The following AEN variants were observed in gnomAD, a reference collection of about 807,000 sequenced individuals.
AEN encodes the protein apoptosis enhancing nuclease.
AEN carries 21 observed loss-of-function variants against 17.7 expected under a neutral mutation model. The observed-to-expected ratio is 1.19, with a 90% CI of 0.84 to 1.71. The LOEUF (loss-of-function observed/expected upper bound fraction) is 1.71. AEN is among the 40% of genes most tolerant of loss of function. The pLI is 0.00. For synonymous variants in AEN, 190 were observed against 173.0 expected (o/e 1.10, Z -0.77); for missense variants, 462 against 435.9 (o/e 1.06, Z -0.53).
upstream of AEN, among the ~76,000 whole-genome samples, chr15:88,619,559 G>A (rs1338637614): frequency 1.3e-5 from 2 of 152,084 alleles, no homozygotes; most frequent in African/African-American, 2.4e-5. Context: ...ATGGTGGCAC[G>A]TGCCTGTAAT....
chr15:88,622,942 A>C (rs1596026926), intron 1 of AEN, among the ~76,000 whole-genome samples: 1 of 152,326 alleles, frequency 6.6e-6, no homozygotes, highest in South Asian at 2.1e-4. Context: ...CTCTTGAAAT[A>C]GGAGGCTACA....
At position 88,630,589 on chromosome 15, in the gene AEN, A is replaced by C. The variant is rs1280423395; in HGVS notation, c.*295A>C. The stretch of plus-strand genomic sequence containing the variant: ...CTTCTAGGGCCCAGCAGGAGTAGGG[A>C]ATGTGCCAACAGACTGCCCAGGTTG... On this transcript the variant is annotated 3_prime_UTR_variant, in exon 4 of 4. Transcript: ENST00000332810. This position sits in a 1 kb window ranked among gnomAD's most constrained non-coding sequence, Gnocchi z 5.1. 1 of 399,770 alleles carries C rather than the reference A, an allele frequency of 2.5e-6. No individual in the cohort carries two copies. Among genetic ancestry groups the C allele is most frequent in the Non-Finnish European group, 4.7e-6 (1 of 213,686 alleles). The allele number at this position is 399,770 out of a possible 1,614,324, so 24.8% of individuals were successfully genotyped here.
At chr15:88,605,267 C>T in the AEN span, among the ~76,000 whole-genome samples, 1 of 152,320 alleles carries the variant, frequency 6.6e-6, no homozygotes, top group Admixed American at 6.5e-5. The surrounding 1 kb of genome is among the most constrained non-coding windows in gnomAD (Gnocchi z 7.6). Context: ...CGCTCGGTCC[C>T]GCGCCCAGTA....
upstream of AEN, among the ~76,000 whole-genome samples, chr15:88,621,060 G>A (rs1218598679): frequency 2.0e-5 from 3 of 152,224 alleles, no homozygotes. Flanking sequence ...CCCAGGTAGA[G>A]GAGTGGATTG....
At chr15:88,611,950 TG>T in the AEN span, 1 of 487,702 alleles carries the variant, frequency 2.1e-6, no homozygotes. Flanking sequence ...GTGCAGGAAA[TG>T]GGGGCAGCCC....
the AEN span, among the ~76,000 whole-genome samples, chr15:88,615,779 C>T: frequency 6.6e-6 from 1 of 152,056 alleles, no homozygotes; most frequent in Non-Finnish European, 1.5e-5. Context: ...AACAATTGCT[C>T]TAAAAATTGA....
At chr15:88,609,912 G>A in the AEN span, among the ~76,000 whole-genome samples, 2 of 151,896 alleles carry the variant, frequency 1.3e-5, no homozygotes. Context: ...GGCTGTGCGC[G>A]AGGCACTTGG....
chr15:88,625,421 G>A (rs1052370819), intron 1 of AEN, among the ~76,000 whole-genome samples: 3 of 152,104 alleles, frequency 2.0e-5, no homozygotes, highest in African/African-American at 4.8e-5. Context: ...AGGAGGCTGA[G>A]GTGGGAGGAT....
In AEN at chr15:88,626,595, TG is replaced by T; in HGVS notation, c.388del (p.Ala130ProfsTer6). On this transcript the variant is annotated frameshift_variant, in exon 2 of 4. Transcript: ENST00000332810. LOFTEE classifies it high-confidence loss of function. ...GTGPRGRVSE[L>X]ARCSIVSYHG... The stretch of plus-strand genomic sequence containing the variant: ...GGACCCCGAGGGCGGGTAAGCGAGC[TG>T]GCCCGCTGTTCCATTGTGAGCTACC... The T allele has an allele frequency of 6.2e-7, 1 of 1,614,130 alleles. No individual in the cohort carries two copies. The highest frequency in any genetic ancestry group is 8.5e-7 in the Non-Finnish European group (1 of 1,180,032).
rs1295540746 is a variant in AEN at position 88,630,170 on chromosome 15, C to A, written c.854C>A (p.Pro285His). 9 of 1,613,754 alleles carry A rather than the reference C, an allele frequency of 5.6e-6. No homozygotes were observed. Among genetic ancestry groups the A allele is most frequent in the Non-Finnish European group, 5.1e-6 (6 of 1,179,892 alleles). Reference protein sequence around the residue: ...QQEARSLWTCPEDREPDSSTD... With the variant: ...QQEARSLWTCHEDREPDSSTD... ...GAGGCCCGCAGCCTCTGGACCTGCC[C>A]CGAGGACAGAGAACCTGACAGCAGC... Residue 285 changes from proline to histidine, a missense_variant, in exon 4 of 4, where the codon CCC (proline) becomes CAC (histidine). By Grantham distance (77) the Pro-to-His change is moderately conservative. Transcript: ENST00000332810. The surrounding 1 kb of genome is among the most constrained non-coding windows in gnomAD (Gnocchi z 5.1).
rs1174193809 is a variant in AEN at position 88,631,179 on chromosome 15, T to C, written c.*885T>C. The stretch of plus-strand genomic sequence containing the variant: ...TGAATTCTGGGGCCTTTGTGTAGGA[T>C]TGTGCCTGACCTTTATTTATTTATT... On this transcript the variant is annotated 3_prime_UTR_variant, in exon 4 of 4. Transcript: ENST00000332810. The C allele has an allele frequency of 4.4e-6, 2 of 456,518 alleles. No individual in the cohort carries two copies. Among genetic ancestry groups the C allele is most frequent in the South Asian group, 1.5e-5 (1 of 64,566 alleles). 28.3% of individuals were successfully genotyped at this position (456,518 alleles called of 1,614,324 possible).
chr15:88,630,933 C>G lies in AEN; in HGVS notation c.*639C>G. 1 of 327,906 alleles carries G rather than the reference C, an allele frequency of 3.0e-6. No homozygotes were observed. 20.3% of individuals were successfully genotyped at this position (327,906 alleles called of 1,614,324 possible). On this transcript the variant is annotated 3_prime_UTR_variant, in exon 4 of 4. Coordinates refer to ENST00000332810, the MANE Select transcript of AEN (RefSeq NM_022767.4). This position sits in a 1 kb window ranked among gnomAD's most constrained non-coding sequence, Gnocchi z 5.1. ...CCGTGCCTGGCCTGTCAGCTCCCTG[C>G]TAGGCTACAGTGGAATAGCAGAGCC...
the AEN span, among the ~76,000 whole-genome samples, chr15:88,613,423 T>A: frequency 6.6e-6 from 1 of 152,210 alleles, no homozygotes; most frequent in Non-Finnish European, 1.5e-5. Context: ...ACTCAGCAGG[T>A]ATCTGTCCTT....
chr15:88,629,368 C>G lies in AEN; in HGVS notation c.683C>G (p.Thr228Ser), dbSNP rs1436707258. The part of the protein sequence containing the change: ...PNFLSEPGLH[T>S]RARVSLKDLA... ...TTCCTCAGCGAGCCCGGCCTCCACA[C>G]CCGGGCCCGGGTCTCTCTAAAGGAC... is the stretch of plus-strand genomic sequence containing the variant. Residue 228 changes from threonine (T) to serine (S), a missense_variant, in exon 3 of 4, where the codon ACC (threonine) becomes AGC (serine). Transcript: ENST00000332810. 5 of 1,614,038 alleles carry G rather than the reference C, an allele frequency of 3.1e-6. No individual in the cohort carries two copies. The highest frequency in any genetic ancestry group is 4.2e-6 in the Non-Finnish European group (5 of 1,180,032).
chr15:88,611,557 C>T, the AEN span, among the ~76,000 whole-genome samples: 2 of 152,074 alleles, frequency 1.3e-5, no homozygotes, highest in South Asian at 4.2e-4. Context: ...GATTGCACCA[C>T]TGCACTACAG....
chr15:88,605,631 C>T, the AEN span, among the ~76,000 whole-genome samples: 3 of 152,242 alleles, frequency 2.0e-5, no homozygotes, highest in Non-Finnish European at 2.9e-5. The surrounding 1 kb of genome is among the most constrained non-coding windows in gnomAD (Gnocchi z 7.6). Context: ...CCGGGGATTG[C>T]GCCCTGGGAG....
chr15:88,631,004 CAG>C lies in AEN; in HGVS notation c.*712_*713del. 1 of 401,352 alleles carries C rather than the reference CAG, an allele frequency of 2.5e-6. No individual in the cohort carries two copies. The highest frequency in any genetic ancestry group is 1.7e-5 in the South Asian group (1 of 58,708). 24.9% of individuals were successfully genotyped at this position (401,352 alleles called of 1,614,324 possible). ...TTGGCTCCTTAACATTTCTTGGCAA[CAG>C]AAAGCCCCAGGCACAGCTCAGGGAG... is the stretch of plus-strand genomic sequence containing the variant. On this transcript the variant is annotated 3_prime_UTR_variant, in exon 4 of 4. Coordinates refer to ENST00000332810, the MANE Select transcript of AEN (RefSeq NM_022767.4).
the AEN span, among the ~76,000 whole-genome samples, chr15:88,607,911 C>G: frequency 6.6e-6 from 1 of 152,212 alleles, no homozygotes; most frequent in Non-Finnish European, 1.5e-5. Flanking sequence ...CCAGACCAGA[C>G]AGCTGGTCTG....
At chr15:88,612,264 T>C in the AEN span, among the ~76,000 whole-genome samples, 2 of 152,202 alleles carry the variant, frequency 1.3e-5, no homozygotes, top group Admixed American at 6.5e-5. Context: ...CAGGGCCTCA[T>C]TGTCTGTGGC....
Sources: allele counts gnomAD v4.1 joint callset (sites outside exome capture counted in the v4.1 genomes callset), GRCh38; gene constraint gnomAD v4.1.1; non-coding constraint Gnocchi (gnomAD v3.1); transcripts MANE v1.5; gene names NCBI Gene and HGNC (gene_info 2026-07-23, HGNC 2026-07-21).